The following ACTL6A variants were observed in gnomAD, a reference collection of about 807,000 sequenced individuals.
ACTL6A encodes actin-like protein 6A.
In ACTL6A, 5 loss-of-function variants were observed where a neutral mutation model predicts 59.2. The observed-to-expected ratio is 0.08, with a 90% CI of 0.04 to 0.18. The LOEUF is 0.18. Among genes scored for constraint, ACTL6A ranks in the 10% least tolerant of loss-of-function variants. The pLI, the probability that ACTL6A is intolerant of heterozygous loss-of-function variation, is 1.00. For synonymous variants in ACTL6A, 154 were observed against 171.8 expected (o/e 0.90, Z 0.81); for missense variants, 285 against 526.9 (o/e 0.54, Z 4.49).
intron 4 of ACTL6A, among the ~76,000 whole-genome samples, chr3:179,573,825 A>C (rs967403869): frequency 6.6e-6 from 1 of 152,144 alleles, no homozygotes; most frequent in Admixed American, 6.5e-5. Context: ...CTTTTATTCA[A>C]GTTTCCAAGA....
Position 179,573,641 on chromosome 3 carries a change from CTT to C in ACTL6A, c.378+175_378+176del, listed in dbSNP as rs1218842017. On this transcript the variant is annotated intron_variant, in intron 4 of 13. Coordinates refer to ENST00000429709, the MANE Select transcript of ACTL6A (RefSeq NM_004301.5). ...GATTAATTTTTTAACACTATTATAA[CTT>C]TTATTTTACTATTCCAATAAATAAA... Among the ~76,000 whole-genome samples the C allele has an allele frequency of 2.0e-5, 3 of 151,020 alleles. No homozygotes were observed. In the East Asian group the frequency reaches 5.8e-4, roughly 29 times the overall value.
chr3:179,569,680 T>G (rs1204447190), intron 1 of ACTL6A, 144 bp from the exon 2 acceptor site: 1 of 692,984 alleles, frequency 1.4e-6, no homozygotes, highest in African/African-American at 1.8e-5. Flanking sequence ...ACAAAAAATT[T>G]AAGAAATTCA....
chr3:179,581,024 T>G lies in ACTL6A; in HGVS notation c.945+16T>G, dbSNP rs1157750389. 2 of 1,596,470 alleles carry G rather than the reference T, an allele frequency of 1.3e-6. No individual in the cohort carries two copies. The highest frequency in any genetic ancestry group is 1.7e-6 in the Non-Finnish European group (2 of 1,172,906). On this transcript the variant is annotated intron_variant, in intron 10 of 13. Coordinates refer to ENST00000429709, the MANE Select transcript of ACTL6A (RefSeq NM_004301.5). ...CAATGTAAAGGTATAAAAGCTTATT[T>G]CATAATTAGCCTGGCTTTTCCTATA...
chr3:179,582,204 G>T (rs1718360161), intron 11 of ACTL6A, among the ~76,000 whole-genome samples: 1 of 152,176 alleles, frequency 6.6e-6, no homozygotes. Context: ...GAAGGTAATT[G>T]AATTGAAGTA....
At chr3:179,574,802 A>G (rs1039977094) in intron 5 of ACTL6A, 8 of 185,902 alleles carry the variant, frequency 4.3e-5, no homozygotes, top group African/African-American at 1.4e-4. Flanking sequence ...TTCCCTTCCA[A>G]TATCATAGAA....
chr3:179,580,482 C>T (rs538134585), intron 8 of ACTL6A, among the ~76,000 whole-genome samples, 158 bp from the exon 9 acceptor site: 4 of 152,322 alleles, frequency 2.6e-5, no homozygotes, highest in Non-Finnish European at 5.9e-5. Context: ...TCTTGATACT[C>T]AGAATCCTTG....
intron 11 of ACTL6A, 114 bp from the exon 12 acceptor site, chr3:179,583,239 T>G (rs1446316264): frequency 3.8e-6 from 3 of 783,732 alleles, no homozygotes; most frequent in Non-Finnish European, 4.2e-6. Context: ...TAGTAAAACA[T>G]TTCCAAAAAA....
intron 11 of ACTL6A, 41 bp downstream of exon 11, chr3:179,581,261 A>C (rs1263369682): frequency 3.9e-6 from 6 of 1,520,196 alleles, no homozygotes; most frequent in Non-Finnish European, 5.5e-6. Flanking sequence ...GGTATCTTTT[A>C]GGGGACTGAA....
chr3:179,578,080 G>A (rs1435168581), intron 8 of ACTL6A, among the ~76,000 whole-genome samples: 1 of 152,178 alleles, frequency 6.6e-6, no homozygotes, highest in Non-Finnish European at 1.5e-5. Flanking sequence ...AGAGGCTGAG[G>A]TGGGTGGATC....
At chr3:179,580,796 C>CTT (rs138102554) in intron 9 of ACTL6A, 95 bp downstream of exon 9, 277 of 1,101,182 alleles carry the variant, frequency 2.5e-4, no homozygotes, top group African/African-American at 5.6e-4. Flanking sequence ...TTCTCACTCC[C>CTT]TTTTTTTTTT....
intron 1 of ACTL6A, among the ~76,000 whole-genome samples, chr3:179,566,850 C>T (rs1717851650): frequency 6.6e-6 from 1 of 152,080 alleles, no homozygotes; most frequent in South Asian, 2.1e-4. Context: ...CGGCCACGCC[C>T]GGCTAATTTT....
intron 1 of ACTL6A, among the ~76,000 whole-genome samples, chr3:179,563,596 G>A (rs1201828201): frequency 6.6e-6 from 1 of 152,214 alleles, no homozygotes; most frequent in Non-Finnish European, 1.5e-5. Context: ...GTGGCAAAGC[G>A]AGCCTCAAGC....
chr3:179,580,883 T>C lies in ACTL6A; in HGVS notation c.831-11T>C. The C allele has an allele frequency of 6.3e-7, 1 of 1,578,934 alleles. No individual in the cohort carries two copies. Among genetic ancestry groups the C allele is most frequent in the Non-Finnish European group, 8.6e-7 (1 of 1,167,500 alleles). On this transcript the variant is annotated splice_polypyrimidine_tract_variant and intron_variant, in intron 9 of 13. Transcript: ENST00000429709. ...TTGTCTTTTGTGTAATACGGTTTAA[T>C]ATGTTTTCAGAGTGGCTGCACAGAT...
chr3:179,569,558 T>C (rs929825801), intron 1 of ACTL6A, among the ~76,000 whole-genome samples: 1 of 152,204 alleles, frequency 6.6e-6, no homozygotes, highest in African/African-American at 2.4e-5. Flanking sequence ...TGAATATAAT[T>C]GGGCTGAGTG....
chr3:179,572,348 A>G (rs979671418), intron 3 of ACTL6A, among the ~76,000 whole-genome samples: 7 of 152,220 alleles, frequency 4.6e-5, no homozygotes. Context: ...CTAAGAAAGA[A>G]GTTAAAAAAA....
Position 179,586,493 on chromosome 3 carries a change from T to TAGAA in ACTL6A, c.1123-53_1123-52insAGAA. 15 of 1,312,502 alleles carry TAGAA rather than the reference T, an allele frequency of 1.1e-5. 2 individuals carry two copies. In the South Asian group the frequency reaches 2.2e-4, roughly 19 times the overall value. 81.3% of individuals were successfully genotyped at this position (1,312,502 alleles called of 1,614,324 possible). ...AAAAAAAAAAAAAAAAAAAGAATTT[T>TAGAA]CTAAGTTGAGTCACAAGATTTGATT... is the stretch of plus-strand genomic sequence containing the variant. On this transcript the variant is annotated intron_variant, in intron 12 of 13. Coordinates refer to ENST00000429709, the MANE Select transcript of ACTL6A (RefSeq NM_004301.5).
chr3:179,570,492 G>C lies in ACTL6A; in HGVS notation c.277+251G>C. On this transcript the variant is annotated intron_variant, in intron 3 of 13. Transcript: ENST00000429709. The surrounding 1 kb of genome is among the most constrained non-coding windows in gnomAD (Gnocchi z 4.3). ...ATAATGGTACACTGTGGGATAAGTG[G>C]TACAATATAGGTATGTGCAATGAGC... 1 of 350,268 alleles carries C rather than the reference G, an allele frequency of 2.9e-6. No individual in the cohort carries two copies. The allele number at this position is 350,268 out of a possible 1,614,324, so 21.7% of individuals were successfully genotyped here.
chr3:179,571,369 T>C (rs1359787779), intron 3 of ACTL6A, among the ~76,000 whole-genome samples: 1 of 150,270 alleles, frequency 6.7e-6, no homozygotes, highest in East Asian at 1.9e-4. Context: ...AGGTTGCAGC[T>C]GAGATCTCAT....
intron 1 of ACTL6A, among the ~76,000 whole-genome samples, chr3:179,566,036 C>T (rs1717825083): frequency 6.6e-6 from 1 of 152,094 alleles, no homozygotes; most frequent in Non-Finnish European, 1.5e-5. Flanking sequence ...AAATATTTGG[C>T]AGAACTTGAA....
Sources: gnomAD v4.1 joint callset for allele counts (sites outside exome capture counted in the v4.1 genomes callset) on GRCh38, gnomAD v4.1.1 for gene constraint, Gnocchi (gnomAD v3.1) non-coding constraint, MANE v1.5 for transcripts, NCBI Gene and HGNC (gene_info 2026-07-23, HGNC 2026-07-21) for gene names.